The following PRKN variants were observed in gnomAD, a reference collection of about 807,000 sequenced individuals.
PRKN encodes parkin RBR E3 ubiquitin protein ligase, also known as E3 ubiquitin-protein ligase parkin.
A neutral mutation model predicts 59.5 loss-of-function variants in PRKN; 56 were observed. The ratio of observed to expected loss-of-function variants is 0.94; its 90% CI spans 0.76 to 1.18. The LOEUF (loss-of-function observed/expected upper bound fraction) is 1.18. PRKN is among the 50% of genes most tolerant of loss of function. The pLI, the probability that PRKN is intolerant of heterozygous loss-of-function variation, is 0.00. For missense variants in PRKN, 657 were observed against 596.4 expected (o/e 1.10, Z -1.06); for synonymous variants, 250 against 222.1 (o/e 1.13, Z -1.12).
intron 9 of PRKN, among the ~76,000 whole-genome samples, chr6:161,439,805 A>G (rs1789110999): frequency 6.6e-6 from 1 of 152,148 alleles, no homozygotes; most frequent in Non-Finnish European, 1.5e-5. Flanking sequence ...ACTGAAAGCT[A>G]CCACATCATT....
chr6:162,526,686 C>CAG lies in PRKN; in HGVS notation c.8-83215_8-83214dup, dbSNP rs1310462948. On this transcript the variant is annotated intron_variant, in intron 1 of 11. Coordinates refer to ENST00000366898, the MANE Select transcript of PRKN (RefSeq NM_004562.3). ...CCTCTGGACCAAAGTAATAAAAGTC[C>CAG]AGCCCATAGCCTGGTAGAAGATAGC... Among the ~76,000 whole-genome samples the CAG allele has an allele frequency of 4.0e-5, 6 of 151,284 alleles. No homozygotes were observed. The East Asian group carries it at 1.2e-3, about 29-fold the overall frequency.
chr6:161,964,117 G>A (rs1324659671), intron 6 of PRKN, among the ~76,000 whole-genome samples: 1 of 152,074 alleles, frequency 6.6e-6, no homozygotes, highest in African/African-American at 2.4e-5. Context: ...AGGTTGGAGG[G>A]TAAGGTGTAA....
chr6:161,892,513 G>T (rs1289625620), intron 6 of PRKN, among the ~76,000 whole-genome samples: 1 of 152,066 alleles, frequency 6.6e-6, no homozygotes, highest in East Asian at 1.9e-4. Context: ...AGAACTAGGG[G>T]CATTTTGCTG....
At chr6:161,404,820 C>G (rs1465292646) in intron 9 of PRKN, among the ~76,000 whole-genome samples, 6 of 152,176 alleles carry the variant, frequency 3.9e-5, no homozygotes, top group Non-Finnish European at 8.8e-5. Flanking sequence ...GATGGCCACA[C>G]CTGCCCCTTT....
rs546136045 is a variant in PRKN at position 162,027,052 on chromosome 6, G to A, written c.618+27039C>T. ...GATAAGCAATTTTGCCTGTGGTCAC[G>A]TGGTATGCTGCGGTCTAGAGCTGGG... On this transcript the variant is annotated intron_variant, in intron 5 of 11. Coordinates refer to ENST00000366898, the MANE Select transcript of PRKN (RefSeq NM_004562.3). 4.6e-5 allele frequency among the ~76,000 whole-genome samples: 7 copies of A among 152,196 alleles called. No individual in the cohort carries two copies. In the East Asian group the frequency reaches 5.8e-4, roughly 13 times the overall value.
chr6:162,428,641 C>T (rs572313034), intron 2 of PRKN, among the ~76,000 whole-genome samples: 1 of 152,090 alleles, frequency 6.6e-6, no homozygotes, highest in Non-Finnish European at 1.5e-5. Flanking sequence ...TTTCTCTTTC[C>T]CTTGCATCTC....
At chr6:161,680,759 A>G (rs1415712751) in intron 7 of PRKN, among the ~76,000 whole-genome samples, 2 of 11,440 alleles carry the variant, frequency 1.7e-4, no homozygotes, top group African/African-American at 6.4e-4. Flanking sequence ...ATATATATAT[A>G]TATATATATA....
chr6:161,858,335 T>A (rs962558813), intron 6 of PRKN, among the ~76,000 whole-genome samples: 1 of 152,150 alleles, frequency 6.6e-6, no homozygotes, highest in South Asian at 2.1e-4. Context: ...AGAATAGAAA[T>A]AGGATTCCTC....
chr6:161,987,639 T>C (rs964778261), intron 5 of PRKN, among the ~76,000 whole-genome samples: 1 of 152,238 alleles, frequency 6.6e-6, no homozygotes, highest in Non-Finnish European at 1.5e-5. Flanking sequence ...TATTGTGTTA[T>C]TTTTTGTTTT....
intron 6 of PRKN, among the ~76,000 whole-genome samples, chr6:161,884,370 C>T (rs9347553): frequency 0.5 from 76,475 of 152,080 alleles, 20,167 homozygotes; most frequent in African/African-American, 0.67. Context: ...CAGCAGACCA[C>T]TGCTATGAGC....
At chr6:162,242,111 A>AT (rs1779012987) in intron 3 of PRKN, among the ~76,000 whole-genome samples, 1 of 152,132 alleles carries the variant, frequency 6.6e-6, no homozygotes, top group Non-Finnish European at 1.5e-5. Flanking sequence ...AAAAAATAAA[A>AT]TTTTTCACAA....
intron 8 of PRKN, among the ~76,000 whole-genome samples, chr6:161,556,696 T>C (rs1225386497): frequency 3.3e-5 from 5 of 152,214 alleles, no homozygotes; most frequent in Admixed American, 3.3e-4. Context: ...CTTGATATTC[T>C]TGTATTGGTT....
At chr6:162,035,438 A>AT (rs1326703045) in intron 5 of PRKN, among the ~76,000 whole-genome samples, 1 of 152,216 alleles carries the variant, frequency 6.6e-6, no homozygotes, top group Non-Finnish European at 1.5e-5. Flanking sequence ...AAAATGAGAT[A>AT]TAACTTGCCA....
chr6:162,358,100 A>C (rs534607291), intron 2 of PRKN, among the ~76,000 whole-genome samples: 1 of 152,214 alleles, frequency 6.6e-6, no homozygotes, highest in Non-Finnish European at 1.5e-5. Flanking sequence ...TGCTTCACCA[A>C]TTTAACAAAT....
At chr6:161,621,403 G>A (rs1383238192) in intron 7 of PRKN, among the ~76,000 whole-genome samples, 1 of 152,158 alleles carries the variant, frequency 6.6e-6, no homozygotes, top group Non-Finnish European at 1.5e-5. Flanking sequence ...GGGGTTGGGT[G>A]CTGATGAAAG....
chr6:162,094,316 C>A (rs1779637670), intron 4 of PRKN, among the ~76,000 whole-genome samples: 1 of 151,864 alleles, frequency 6.6e-6, no homozygotes, highest in Non-Finnish European at 1.5e-5. Flanking sequence ...AAAGCGAGAG[C>A]CCATCTCTAC....
intron 6 of PRKN, among the ~76,000 whole-genome samples, chr6:161,965,453 C>G (rs1475528837): frequency 6.6e-6 from 1 of 151,960 alleles, no homozygotes; most frequent in East Asian, 1.9e-4. Flanking sequence ...GCTTTGGAAA[C>G]TAAGGAATAA....
chr6:162,118,972 C>T (rs1780792650), intron 4 of PRKN, among the ~76,000 whole-genome samples: 1 of 152,116 alleles, frequency 6.6e-6, no homozygotes, highest in Admixed American at 6.6e-5. Context: ...ACAGCACACA[C>T]GTTCAAAATA....
intron 7 of PRKN, among the ~76,000 whole-genome samples, chr6:161,778,129 G>A (rs1790038980): frequency 6.6e-6 from 1 of 151,910 alleles, no homozygotes; most frequent in South Asian, 2.1e-4. Flanking sequence ...AGAAGATCCT[G>A]GAACAGTGCC....
Sources: allele counts gnomAD v4.1 joint callset (sites outside exome capture counted in the v4.1 genomes callset), GRCh38; gene constraint gnomAD v4.1.1; transcripts MANE v1.5; gene names NCBI Gene and HGNC (gene_info 2026-07-23, HGNC 2026-07-21).